Variants in SP110 observed in about 807,000 individuals in gnomAD.
SP110 encodes the protein SP110 nuclear body protein, also known as interferon-induced protein 41, 30kD.
A neutral mutation model predicts 92.7 loss-of-function variants in SP110; 62 were observed. That is an observed-to-expected ratio of 0.67 (90% confidence interval 0.55 to 0.83). The LOEUF (loss-of-function observed/expected upper bound fraction) is 0.83, where lower values mean the gene tolerates loss of function less well. Among genes scored for constraint, SP110 ranks in the 40% least tolerant of loss-of-function variants. SP110 has a pLI of 0.00. For missense variants in SP110, 793 were observed against 863.9 expected (o/e 0.92, Z 1.03); for synonymous variants, 273 against 305.3 (o/e 0.89, Z 1.10).
chr2:230,211,402 G>A lies in SP110; in HGVS notation c.751+68C>T, dbSNP rs41309098. On this transcript the variant is annotated intron_variant, in intron 6 of 18. Coordinates refer to ENST00000258381, the MANE Select transcript of SP110 (RefSeq NM_080424.4). This position sits in a 1 kb window ranked among gnomAD's most constrained non-coding sequence, Gnocchi z 4.2. ...GGAGAGCCCCCTCTCTAGAAGATCCGAATGGCTTTTCCTCTTAGTAAACAC... is the reference window on the plus strand; with the variant it reads ...GGAGAGCCCCCTCTCTAGAAGATCCAAATGGCTTTTCCTCTTAGTAAACAC... 8.6e-5 allele frequency: 87 copies of A among 1,011,352 alleles called. No homozygotes were observed. In the Middle Eastern group the frequency reaches 1.0e-3, roughly 12 times the overall value. 62.6% of individuals were successfully genotyped at this position (1,011,352 alleles called of 1,614,324 possible).
intron 8 of SP110, among the ~76,000 whole-genome samples, chr2:230,206,118 T>C (rs2043770158): frequency 6.6e-6 from 1 of 152,202 alleles, no homozygotes; most frequent in South Asian, 2.1e-4. Flanking sequence ...ACTGGGATCA[T>C]ACTAATGATA....
In SP110 at chr2:230,211,591, A is replaced by G; in HGVS notation, c.668-38T>C. The G allele has an allele frequency of 8.2e-7, 1 of 1,213,050 alleles. No homozygotes were observed. The highest frequency in any genetic ancestry group is 1.2e-6 in the Non-Finnish European group (1 of 813,724). The allele number at this position is 1,213,050 out of a possible 1,614,324, so 75.1% of individuals were successfully genotyped here. A position where few individuals can be genotyped will look rare whatever the true frequency, so the allele number is the denominator to read the frequency against. On this transcript the variant is annotated intron_variant, in intron 5 of 18. Coordinates refer to ENST00000258381, the MANE Select transcript of SP110 (RefSeq NM_080424.4). The surrounding 1 kb of genome is among the most constrained non-coding windows in gnomAD (Gnocchi z 4.2). Reference sequence around the variant, plus strand: ...AGAAAAAGTTTTAGATCTCAGGAACAGCAAGCAGGGACCAGAATGAGGAGA... The same window carrying G: ...AGAAAAAGTTTTAGATCTCAGGAACGGCAAGCAGGGACCAGAATGAGGAGA...
At chr2:230,178,071 G>T in intron 13 of SP110, 86 bp downstream of exon 13, 1 of 837,422 alleles carries the variant, frequency 1.2e-6, no homozygotes, top group South Asian at 1.4e-5. Flanking sequence ...TCCATTTCCT[G>T]ATCAATTACA....
At chr2:230,182,021 G>A (rs1337666867) in intron 12 of SP110, among the ~76,000 whole-genome samples, 2 of 152,318 alleles carry the variant, frequency 1.3e-5, no homozygotes, top group East Asian at 1.9e-4. Flanking sequence ...GTTCACCGCA[G>A]CACTATTCAC....
In SP110 at chr2:230,177,577, A is replaced by G. The variant is rs1315097985; in HGVS notation, c.1551T>C (p.Asn517=). 3 of 1,614,024 alleles carry G rather than the reference A, an allele frequency of 1.9e-6. No homozygotes were observed. Among genetic ancestry groups the G allele is most frequent in the Admixed American group, 1.7e-5 (1 of 60,008 alleles). ...KGRNAKNWKR[N]IRCEGMTLGE... Reference sequence around the variant, plus strand: ...CTAGGGTCATTCCTTCACAACGTATATTCCGTTTCCAGTTCTTTGCGTTCC... The same window carrying G: ...CTAGGGTCATTCCTTCACAACGTATGTTCCGTTTCCAGTTCTTTGCGTTCC... Residue 517 remains asparagine (N), a synonymous_variant, in exon 14 of 19, where the codon AAT becomes AAC. Coordinates refer to ENST00000258381, the MANE Select transcript of SP110 (RefSeq NM_080424.4).
chr2:230,199,871 A>G (rs909291295), intron 10 of SP110, among the ~76,000 whole-genome samples: 10 of 152,176 alleles, frequency 6.6e-5, no homozygotes, highest in Non-Finnish European at 1.0e-4. Context: ...CTTCCTTTCT[A>G]TGGAGAACGA....
chr2:230,187,665 TGTATAA>T (rs1317259740), intron 10 of SP110, among the ~76,000 whole-genome samples: 1 of 152,170 alleles, frequency 6.6e-6, no homozygotes, highest in Non-Finnish European at 1.5e-5. Context: ...AGTTAATTTT[TGTATAA>T]GGTGGGAAAT....
chr2:230,196,267 T>C (rs992233686), intron 10 of SP110, among the ~76,000 whole-genome samples: 1 of 152,186 alleles, frequency 6.6e-6, no homozygotes, highest in Non-Finnish European at 1.5e-5. Flanking sequence ...ACAAACCTGA[T>C]TTCTATTTTC....
intron 8 of SP110, among the ~76,000 whole-genome samples, chr2:230,204,530 C>T (rs2043544330): frequency 6.6e-6 from 1 of 151,938 alleles, no homozygotes; most frequent in African/African-American, 2.4e-5. Flanking sequence ...TTTCATAACA[C>T]AATAATGAAT....
rs945228786 is a variant in SP110, at chr2:230,168,073, T to C, written c.*1051A>G. The C allele has an allele frequency of 1.6e-5, 2 of 122,482 alleles. No homozygotes were observed. Among genetic ancestry groups the C allele is most frequent in the African/African-American group, 6.4e-5 (2 of 31,116 alleles). The allele number at this position is 122,482 out of a possible 1,614,324, so 7.6% of individuals were successfully genotyped here. A position where few individuals can be genotyped will look rare whatever the true frequency, so the allele number is the denominator to read the frequency against. The stretch of plus-strand genomic sequence containing the variant: ...GCAGTGAGTCAAGATGACGCTACTG[T>C]ACTCCGGCCTGGGTGACAGAGTGAG... On this transcript the variant is annotated 3_prime_UTR_variant, in exon 19 of 19. Transcript: ENST00000258381.
Position 230,169,027 on chromosome 2 carries a change from C to G in SP110, c.*97G>C. The stretch of plus-strand genomic sequence containing the variant: ...TCTGGGTTTGGGTCCTGAGGGCAGC[C>G]AATTACATCCCAGACTCACTGGCAA... On this transcript the variant is annotated 3_prime_UTR_variant, in exon 19 of 19. Transcript: ENST00000258381. 1.2e-6 allele frequency: 1 copy of G among 831,720 alleles called. No homozygotes were observed. The highest frequency in any genetic ancestry group is 2.1e-6 in the Non-Finnish European group (1 of 472,822). 51.5% of individuals were successfully genotyped at this position (831,720 alleles called of 1,614,324 possible). A position where few individuals can be genotyped will look rare whatever the true frequency, so the allele number is the denominator to read the frequency against.
rs201034113 is a variant in SP110, at chr2:230,172,840, T to A, written c.1706+4A>T. 1,238 of 1,600,012 alleles carry A rather than the reference T, an allele frequency of 7.7e-4. 1 individual carries two copies. The highest frequency in any genetic ancestry group is 8.1e-4 in the Non-Finnish European group (947 of 1,167,166). On this transcript the variant is annotated splice_donor_region_variant and intron_variant, in intron 15 of 18. Transcript: ENST00000258381. ...TGCCCGAGGCGGGGCTGCATCCCAC[T>A]CACCTCTTGGCTTCCACAGGGGGGA...
intron 12 of SP110, among the ~76,000 whole-genome samples, chr2:230,183,359 A>G (rs2042211050): frequency 6.6e-6 from 1 of 152,250 alleles, no homozygotes; most frequent in Non-Finnish European, 1.5e-5. Context: ...TGTGTTAAAG[A>G]ATCCTTCCAA....
At chr2:230,176,551 A>T in intron 14 of SP110, 1 of 1,602,324 alleles carries the variant, frequency 6.2e-7, no homozygotes, top group African/African-American at 1.3e-5. Context: ...AATTGTTTTG[A>T]AGATGCCATG....
chr2:230,211,881 C>T lies in SP110; in HGVS notation c.668-328G>A. Among the ~76,000 whole-genome samples, 1 of 152,084 alleles carries T rather than the reference C, an allele frequency of 6.6e-6. No homozygotes were observed. Among genetic ancestry groups the T allele is most frequent in the Non-Finnish European group, 1.5e-5 (1 of 68,006 alleles). ...TCCATGGTATCATTTTTGACAATGC[C>T]CAATATCATACCATTCTTACGTTTA... On this transcript the variant is annotated intron_variant, in intron 5 of 18. Coordinates refer to ENST00000258381, the MANE Select transcript of SP110 (RefSeq NM_080424.4). The surrounding 1 kb of genome is among the most constrained non-coding windows in gnomAD (Gnocchi z 4.2).
chr2:230,206,634 T>TATATATATATAG, intron 8 of SP110, among the ~76,000 whole-genome samples: 1 of 118,130 alleles, frequency 8.5e-6, no homozygotes, highest in Non-Finnish European at 1.7e-5. Context: ...TATATATATA[T>TATATATATATAG]ATATGGACCA....
In SP110 at chr2:230,183,650, G is replaced by C. The variant is rs201596009; in HGVS notation, c.1280-10C>G. The C allele has an allele frequency of 7.0e-7, 1 of 1,428,848 alleles. No individual in the cohort carries two copies. The highest frequency in any genetic ancestry group is 9.9e-7 in the Non-Finnish European group (1 of 1,010,890). 88.5% of individuals were successfully genotyped at this position (1,428,848 alleles called of 1,614,324 possible). On this transcript the variant is annotated splice_polypyrimidine_tract_variant and intron_variant, in intron 11 of 18. Coordinates refer to ENST00000258381, the MANE Select transcript of SP110 (RefSeq NM_080424.4). The stretch of plus-strand genomic sequence containing the variant: ...TTCTCCTTTTTCTTTTCTAAACACA[G>C]AATTAATAATCACTTATAGCTACAA...
At chr2:230,202,872 T>C in intron 8 of SP110, 144 bp from the exon 9 acceptor site, 2 of 768,410 alleles carry the variant, frequency 2.6e-6, no homozygotes, top group East Asian at 5.0e-5. Context: ...TTTCTCCTCC[T>C]ACTTCTCTAT....
intron 2 of SP110, 128 bp downstream of exon 2, chr2:230,216,653 T>G: frequency 8.8e-7 from 1 of 1,131,952 alleles, no homozygotes; most frequent in Non-Finnish European, 1.3e-6. Context: ...CCACCTTCTG[T>G]GATAATGAAC....
Sources: gnomAD v4.1 joint callset for allele counts (sites outside exome capture counted in the v4.1 genomes callset) on GRCh38, gnomAD v4.1.1 for gene constraint, Gnocchi (gnomAD v3.1) non-coding constraint, MANE v1.5 for transcripts, NCBI Gene and HGNC (gene_info 2026-07-23, HGNC 2026-07-21) for gene names.